The following HPSE2 variants were observed in gnomAD, a reference collection of about 807,000 sequenced individuals.
HPSE2 encodes heparanase 2 (inactive).
In HPSE2, 38 loss-of-function variants were observed where a neutral mutation model predicts 60.5. That is an observed-to-expected ratio of 0.63 (90% confidence interval 0.48 to 0.82). HPSE2 has a LOEUF of 0.82. HPSE2 is among the 40% of genes least tolerant of loss of function. HPSE2 has a pLI of 0.00. For synonymous variants in HPSE2, 295 were observed against 293.2 expected (o/e 1.01, Z -0.06); for missense variants, 713 against 740.4 (o/e 0.96, Z 0.43).
At position 98,806,871 on chromosome 10, in the gene HPSE2, C is replaced by T. The variant is rs148875105; in HGVS notation, c.611-62815G>A. 9.3e-3 allele frequency among the ~76,000 whole-genome samples: 1,416 copies of T among 152,222 alleles called. 27 individuals carry two copies. The highest frequency in any genetic ancestry group is 0.029 in the African/African-American group (1,214 of 41,552). On this transcript the variant is annotated intron_variant, in intron 3 of 11. Transcript: ENST00000370552. ...GAATATAATGAATCCCAGCTGGGTG[C>T]GGTGGCTCACGCCTGTAATCCCAGC...
chr10:99,184,522 C>CAAAAAAAAAAAAAA (rs200059066), intron 2 of HPSE2, among the ~76,000 whole-genome samples: 35 of 60,766 alleles, frequency 5.8e-4, no homozygotes, highest in Non-Finnish European at 7.1e-4. Context: ...GAGACTGTCT[C>CAAAAAAAAAAAAAA]AAAAAAAAAA....
chr10:98,986,065 C>T (rs969596862), intron 3 of HPSE2, among the ~76,000 whole-genome samples: 3 of 152,212 alleles, frequency 2.0e-5, no homozygotes, highest in Middle Eastern at 3.4e-3. Context: ...ACCCCACTGT[C>T]GACACTAGAC....
In HPSE2 at chr10:99,065,754, AG is replaced by A. The variant is rs553461069; in HGVS notation, c.610+78483del. Among the ~76,000 whole-genome samples, 272 of 152,332 alleles carry A rather than the reference AG, an allele frequency of 1.8e-3. 1 individual carries two copies. Among genetic ancestry groups the A allele is most frequent in the Non-Finnish European group, 3.5e-3 (235 of 68,036 alleles). On this transcript the variant is annotated intron_variant, in intron 3 of 11. Transcript: ENST00000370552. Reference sequence around the variant, plus strand: ...AACCAGACAAAAGTGGGTGGGAGGAAGGAAGTATGAAAAATGATTTATTGAT... The same window carrying A: ...AACCAGACAAAAGTGGGTGGGAGGAAGAAGTATGAAAAATGATTTATTGAT...
intron 1 of HPSE2, among the ~76,000 whole-genome samples, chr10:99,232,934 C>G (rs2133953353): frequency 6.6e-6 from 1 of 152,382 alleles, no homozygotes; most frequent in South Asian, 2.1e-4. Flanking sequence ...CCGACCGTTG[C>G]CAAAAACTTG....
intron 3 of HPSE2, among the ~76,000 whole-genome samples, chr10:99,064,384 G>C (rs1337307780): frequency 6.6e-6 from 1 of 151,996 alleles, no homozygotes; most frequent in Non-Finnish European, 1.5e-5. Context: ...TGTAATATTG[G>C]TTAGGATTCT....
intron 3 of HPSE2, among the ~76,000 whole-genome samples, chr10:99,075,780 C>T (rs1842934216): frequency 6.6e-6 from 1 of 151,994 alleles, no homozygotes; most frequent in Non-Finnish European, 1.5e-5. Context: ...TATATAACAT[C>T]TTTTGTCTCT....
intron 9 of HPSE2, among the ~76,000 whole-genome samples, chr10:98,592,188 G>A (rs1945109452): frequency 6.6e-6 from 1 of 152,116 alleles, no homozygotes; most frequent in Non-Finnish European, 1.5e-5. Flanking sequence ...TCTGATTTTA[G>A]TTAAACCTTT....
chr10:98,859,042 C>T (rs958997657), intron 3 of HPSE2, among the ~76,000 whole-genome samples: 1 of 152,192 alleles, frequency 6.6e-6, no homozygotes, highest in Non-Finnish European at 1.5e-5. Context: ...AATCCTCCCA[C>T]CTCAGCCTCC....
intron 7 of HPSE2, among the ~76,000 whole-genome samples, chr10:98,629,600 T>G (rs1371910734): frequency 6.6e-6 from 1 of 152,232 alleles, no homozygotes; most frequent in Non-Finnish European, 1.5e-5. Context: ...GTTCTGGATC[T>G]TGTCATTTGT....
chr10:98,659,384 C>T (rs1437036162), intron 6 of HPSE2, among the ~76,000 whole-genome samples: 1 of 152,176 alleles, frequency 6.6e-6, no homozygotes, highest in Non-Finnish European at 1.5e-5. Context: ...ACATTTCAAA[C>T]TACATTGTTT....
At chr10:98,976,067 A>G (rs1463881553) in intron 3 of HPSE2, among the ~76,000 whole-genome samples, 1 of 152,148 alleles carries the variant, frequency 6.6e-6, no homozygotes, top group African/African-American at 2.4e-5. Context: ...ATCATATCAC[A>G]GCTCCAGTTC....
chr10:99,106,378 T>C (rs1034371465), intron 3 of HPSE2, among the ~76,000 whole-genome samples: 5 of 152,112 alleles, frequency 3.3e-5, no homozygotes, highest in Non-Finnish European at 7.4e-5. Context: ...TTGCTGAGAA[T>C]TTTTATTATA....
intron 2 of HPSE2, among the ~76,000 whole-genome samples, chr10:99,216,487 A>AC (rs11383860): frequency 0.86 from 131,636 of 152,194 alleles, 57,192 homozygotes; most frequent in African/African-American, 0.93. Flanking sequence ...GAGCCACTGC[A>AC]CCGGCCTAAC....
intron 2 of HPSE2, among the ~76,000 whole-genome samples, chr10:99,158,753 A>G (rs932707580): frequency 2.0e-5 from 3 of 152,270 alleles, no homozygotes; most frequent in Admixed American, 6.5e-5. Context: ...TAATTAAAAA[A>G]AAAAAGAAAA....
At chr10:98,918,258 G>A (rs565859723) in intron 3 of HPSE2, among the ~76,000 whole-genome samples, 108 of 152,176 alleles carry the variant, frequency 7.1e-4, no homozygotes, top group African/African-American at 2.5e-3. Context: ...AACCATTGTG[G>A]AAGTCAGTGT....
intron 7 of HPSE2, among the ~76,000 whole-genome samples, chr10:98,624,920 T>C (rs1946167508): frequency 6.6e-6 from 1 of 152,222 alleles, no homozygotes; most frequent in Non-Finnish European, 1.5e-5. Flanking sequence ...TAGTGCCAAT[T>C]ATTCTTACGG....
the HPSE2 span, among the ~76,000 whole-genome samples, chr10:99,304,540 G>C: frequency 3.9e-4 from 60 of 152,196 alleles, no homozygotes; most frequent in Non-Finnish European, 1.2e-4. Flanking sequence ...GCTCCACTTT[G>C]GGGCTTGCCT....
intron 2 of HPSE2, among the ~76,000 whole-genome samples, chr10:99,164,581 G>A (rs1463689323): frequency 1.3e-5 from 2 of 151,892 alleles, no homozygotes; most frequent in African/African-American, 2.4e-5. Flanking sequence ...TGCTACTGGG[G>A]TATCACTACT....
chr10:99,260,124 A>C, the HPSE2 span, among the ~76,000 whole-genome samples: 2 of 152,152 alleles, frequency 1.3e-5, no homozygotes, highest in African/African-American at 2.4e-5. Flanking sequence ...AAAATATGGA[A>C]TAGATCAATC....
Sources: allele counts gnomAD v4.1 joint callset (sites outside exome capture counted in the v4.1 genomes callset), GRCh38; gene constraint gnomAD v4.1.1; transcripts MANE v1.5; gene names NCBI Gene and HGNC (gene_info 2026-07-23, HGNC 2026-07-21).